Variants in ANK1 observed in about 807,000 individuals in gnomAD.
ANK1 encodes the protein ankyrin-1.
Under a neutral mutation model 210.4 loss-of-function variants are expected in ANK1, and 51 were observed. That is an observed-to-expected ratio of 0.24 (90% CI 0.19 to 0.31). The LOEUF is 0.31. Among genes scored for constraint, ANK1 ranks in the 10% least tolerant of loss-of-function variants. The probability of loss-of-function intolerance (pLI) is 1.00; values close to 1 mark genes in which losing one functional copy is unlikely to be tolerated. For missense variants in ANK1, 2,051 were observed against 2,504.4 expected (o/e 0.82, Z 3.86); for synonymous variants, 967 against 1,025.9 (o/e 0.94, Z 1.10).
chr8:41,798,726 G>A (rs375164377), upstream of ANK1, among the ~76,000 whole-genome samples: 14 of 152,248 alleles, frequency 9.2e-5, no homozygotes, highest in Middle Eastern at 3.4e-3. Flanking sequence ...CATTAAGGTG[G>A]GGGCTGTCTC....
Position 41,665,473 on chromosome 8 carries a change from A to G in ANK1, c.5395-1731T>C, listed in dbSNP as rs508419. ...CCTGGAAGTGGGGGCTCGGCCTCTC[A>G]CCTATCCTGCCCATCCCCATGGGAA... On this transcript the variant is annotated intron_variant, in intron 39 of 42. Transcript: ENST00000289734. 0.76 allele frequency: 274,925 copies of G among 360,140 alleles called. 105,396 individuals are homozygous for G. Among genetic ancestry groups the G allele is most frequent in the East Asian group, 0.86 (11,539 of 13,340 alleles). 22.3% of individuals were successfully genotyped at this position (360,140 alleles called of 1,614,324 possible). A position where few individuals can be genotyped will look rare whatever the true frequency, so the allele number is the denominator to read the frequency against.
rs558569614 is a variant in ANK1 at position 41,871,730 on chromosome 8, C to T, written c.126+24625G>A. Among the ~76,000 whole-genome samples, 12 of 152,324 alleles carry T rather than the reference C, an allele frequency of 7.9e-5. No individual in the cohort carries two copies. The South Asian group carries it at 2.5e-3, about 32-fold the overall frequency. On this transcript the variant is annotated intron_variant, in intron 1 of 42. Transcript: ENST00000265709. ...CAATAAATGTCTGCTGGTCAAGGCA[C>T]CCAGTCTGTGGGACTTTGTTATGCC...
intron 20 of ANK1, among the ~76,000 whole-genome samples, chr8:41,702,626 T>C (rs1460381558): frequency 1.7e-4 from 26 of 152,200 alleles, no homozygotes; most frequent in Admixed American, 1.6e-3. Context: ...TACTCGGAAA[T>C]CACAAATCAC....
chr8:41,679,306 GTTTGATCCT>G (rs1405001433), intron 37 of ANK1, among the ~76,000 whole-genome samples: 1 of 152,204 alleles, frequency 6.6e-6, no homozygotes, highest in African/African-American at 2.4e-5. Context: ...CTTGGAAGTA[GTTTGATCCT>G]TTTGCATTTT....
intron 37 of ANK1, among the ~76,000 whole-genome samples, chr8:41,678,967 G>C (rs1318244708): frequency 2.0e-5 from 3 of 152,040 alleles, no homozygotes; most frequent in African/African-American, 4.8e-5. Context: ...TGTATTTTTA[G>C]TAGAGACAGG....
At chr8:41,730,335 C>T (rs1459523242) in intron 3 of ANK1, among the ~76,000 whole-genome samples, 1 of 152,164 alleles carries the variant, frequency 6.6e-6, no homozygotes, top group Non-Finnish European at 1.5e-5. Context: ...CTGGGTGCAG[C>T]AGCTCACATT....
At chr8:41,838,227 A>G (rs1204284782) in intron 1 of ANK1, among the ~76,000 whole-genome samples, 1 of 152,200 alleles carries the variant, frequency 6.6e-6, no homozygotes, top group African/African-American at 2.4e-5. Flanking sequence ...AGCGGGGCAC[A>G]GAAAGGTTTG....
chr8:41,803,093 GGA>G (rs1563811334), intron 1 of ANK1, among the ~76,000 whole-genome samples: 38 of 100,580 alleles, frequency 3.8e-4, no homozygotes, highest in African/African-American at 1.4e-3. Flanking sequence ...GGGAAGGAAA[GGA>G]AAGGAAAGGA....
At chr8:41,703,446 A>ATTTT (rs1465782716) in intron 20 of ANK1, among the ~76,000 whole-genome samples, 93 of 61,556 alleles carry the variant, frequency 1.5e-3, no homozygotes, top group African/African-American at 5.7e-3. Flanking sequence ...ATATATATAT[A>ATTTT]TATATTTTTT....
Position 41,661,496 on chromosome 8 carries a change from C to A in ANK1, c.5613G>T (p.Lys1871Asn). The stretch of plus-strand genomic sequence containing the variant: ...GTTTCCCCCTTTTCAGGCTGGCCCG[C>A]TTCACTATCTGCGCCCCCTTCCTGC... The part of the protein sequence containing the change: ...IEGRKGAQIV[K>N]RASLKRGKQ The change falls in exon 42 of 43, where the codon AAG (lysine) becomes AAT (asparagine). Residue 1871 changes from lysine (K) to asparagine (N), a missense_variant. Coordinates refer to ENST00000289734, the MANE Select transcript of ANK1 (RefSeq NM_000037.4). 6.2e-7 allele frequency: 1 copy of A among 1,614,120 alleles called. No homozygotes were observed. Among genetic ancestry groups the A allele is most frequent in the Non-Finnish European group, 8.5e-7 (1 of 1,180,032 alleles).
At chr8:41,832,038 G>A (rs1318725954) in intron 1 of ANK1, among the ~76,000 whole-genome samples, 1 of 152,172 alleles carries the variant, frequency 6.6e-6, no homozygotes, top group Non-Finnish European at 1.5e-5. Context: ...TGCCTACTGA[G>A]GGGCAGCACA....
At position 41,694,923 on chromosome 8, in the gene ANK1, G is replaced by T. The variant is rs1820401259; in HGVS notation, c.3116-120C>A. Reference sequence around the variant, plus strand: ...TGCACACACCCTCCCCAGGTGCCGGGCGGCATAGTGGCCAGAAGAAGTGGC... The same window carrying T: ...TGCACACACCCTCCCCAGGTGCCGGTCGGCATAGTGGCCAGAAGAAGTGGC... On this transcript the variant is annotated intron_variant, in intron 27 of 42. Coordinates refer to ENST00000289734, the MANE Select transcript of ANK1 (RefSeq NM_000037.4). The surrounding 1 kb of genome is among the most constrained non-coding windows in gnomAD (Gnocchi z 5.7). 1.1e-5 allele frequency: 13 copies of T among 1,177,582 alleles called. No homozygotes were observed. The highest frequency in any genetic ancestry group is 1.5e-5 in the Non-Finnish European group (12 of 809,504). The allele number at this position is 1,177,582 out of a possible 1,614,324, so 72.9% of individuals were successfully genotyped here. A position where few individuals can be genotyped will look rare whatever the true frequency, so the allele number is the denominator to read the frequency against.
At chr8:41,741,922 T>G (rs1179041708) in intron 2 of ANK1, among the ~76,000 whole-genome samples, 1 of 152,236 alleles carries the variant, frequency 6.6e-6, no homozygotes, top group Non-Finnish European at 1.5e-5. Flanking sequence ...TTTAAGGCTC[T>G]TTTTGGCAAA....
At chr8:41,755,747 G>A (rs1163535682) in intron 2 of ANK1, among the ~76,000 whole-genome samples, 2 of 152,144 alleles carry the variant, frequency 1.3e-5, no homozygotes, top group Admixed American at 1.3e-4. Flanking sequence ...CCACCTCTTG[G>A]CATCAAAAAA....
At chr8:41,810,412 C>G (rs1323862128) in intron 1 of ANK1, among the ~76,000 whole-genome samples, 2 of 152,248 alleles carry the variant, frequency 1.3e-5, no homozygotes, top group Non-Finnish European at 2.9e-5. Context: ...GCAATGGCCA[C>G]TCCAGCTTTT....
At chr8:41,896,487 TCACGGCGCTCCC>T in exon 1 of ANK1, 1 of 1,592,216 alleles carries the variant, frequency 6.3e-7, no homozygotes, top group Non-Finnish European at 8.5e-7. Flanking sequence ...CCATGGCGGG[TCACGGCGCTCCC>T]GTCCCCGCCT....
chr8:41,748,135 G>A (rs1483962286), intron 2 of ANK1, among the ~76,000 whole-genome samples: 1 of 152,304 alleles, frequency 6.6e-6, no homozygotes, highest in East Asian at 1.9e-4. Flanking sequence ...AGGCATAGGG[G>A]CACCTAGCTG....
chr8:41,780,858 A>G (rs1845160855), intron 1 of ANK1, among the ~76,000 whole-genome samples: 1 of 151,930 alleles, frequency 6.6e-6, no homozygotes, highest in African/African-American at 2.4e-5. Context: ...AGGCAACTTC[A>G]GACAAAGAAA....
chr8:41,799,062 G>T (rs1052691064), upstream of ANK1, among the ~76,000 whole-genome samples: 4 of 152,146 alleles, frequency 2.6e-5, no homozygotes, highest in African/African-American at 7.2e-5. Flanking sequence ...AGCTGACAGA[G>T]TTCTAGGCCA....
Sources: allele counts gnomAD v4.1 joint callset (sites outside exome capture counted in the v4.1 genomes callset), GRCh38; gene constraint gnomAD v4.1.1; non-coding constraint Gnocchi (gnomAD v3.1); transcripts MANE v1.5; gene names NCBI Gene and HGNC (gene_info 2026-07-23, HGNC 2026-07-21).